Variants in NRG3 observed in about 807,000 individuals in gnomAD.
The protein encoded by NRG3 is neuregulin 3, also known as pro-neuregulin-3, membrane-bound isoform.
In NRG3, 31 loss-of-function variants were observed where a neutral mutation model predicts 66.9. That is an observed-to-expected ratio of 0.46 (90% CI 0.35 to 0.63). The LOEUF (loss-of-function observed/expected upper bound fraction) is 0.63, where lower values mean the gene tolerates loss of function less well. NRG3 is among the 20% of genes least tolerant of loss of function. The pLI, the probability that NRG3 is intolerant of heterozygous loss-of-function variation, is 0.00. For synonymous variants in NRG3, 393 were observed against 359.4 expected, an observed-to-expected ratio of 1.09 and a Z score of -1.06; for missense variants, 910 against 878.9, an observed-to-expected ratio of 1.04 and a Z score of -0.45.
chr10:82,777,785 G>A (rs2059962751), intron 3 of NRG3, among the ~76,000 whole-genome samples: 1 of 152,194 alleles, frequency 6.6e-6, no homozygotes, highest in Non-Finnish European at 1.5e-5. Flanking sequence ...TGGAGTGCTA[G>A]GACATAGCCG....
At chr10:82,698,998 A>G (rs376332092) in intron 2 of NRG3, among the ~76,000 whole-genome samples, 3 of 152,298 alleles carry the variant, frequency 2.0e-5, no homozygotes, top group Non-Finnish European at 1.5e-5. Context: ...GGAAATGTTG[A>G]CCATATAACC....
chr10:82,862,272 T>G (rs2064170246), intron 3 of NRG3, among the ~76,000 whole-genome samples: 1 of 152,138 alleles, frequency 6.6e-6, no homozygotes, highest in Admixed American at 6.5e-5. Flanking sequence ...TGATGTAACT[T>G]CCCCAGCACC....
chr10:82,489,146 A>G (rs1842906584), intron 2 of NRG3, among the ~76,000 whole-genome samples: 1 of 152,212 alleles, frequency 6.6e-6, no homozygotes, highest in Non-Finnish European at 1.5e-5. Flanking sequence ...TAGCTTGCCT[A>G]AATTCACCAA....
chr10:82,521,000 G>T (rs767755464), intron 2 of NRG3, among the ~76,000 whole-genome samples: 1 of 152,014 alleles, frequency 6.6e-6, no homozygotes, highest in Non-Finnish European at 1.5e-5. Context: ...TAAGCATAAG[G>T]CTGCAGCATG....
Position 82,335,081 on chromosome 10 carries a change from G to C in NRG3, c.824-23658G>C, listed in dbSNP as rs114898889. Among the ~76,000 whole-genome samples, 495 of 152,298 alleles carry C rather than the reference G, an allele frequency of 3.3e-3. 2 individuals are homozygous for C. The highest frequency in any genetic ancestry group is 0.011 in the African/African-American group (477 of 41,560). ...GTTTTATGCCAACAATCAGCCCACT[G>C]TCCTTCACATGGCCGTGCATTTGCT... On this transcript the variant is annotated intron_variant, in intron 1 of 8. Transcript: ENST00000372141.
At chr10:82,732,476 A>C (rs2057959408) in intron 2 of NRG3, among the ~76,000 whole-genome samples, 1 of 152,156 alleles carries the variant, frequency 6.6e-6, no homozygotes, top group South Asian at 2.1e-4. Context: ...ACCACAGATA[A>C]AGCAAGAGCT....
intron 2 of NRG3, among the ~76,000 whole-genome samples, chr10:82,458,908 A>T (rs17100097): frequency 1.3e-5 from 2 of 152,042 alleles, no homozygotes; most frequent in African/African-American, 4.8e-5. Flanking sequence ...ATTCATGCTC[A>T]GAATTTTCAG....
At chr10:82,652,429 A>G (rs1591030581) in intron 2 of NRG3, among the ~76,000 whole-genome samples, 1 of 152,298 alleles carries the variant, frequency 6.6e-6, no homozygotes, top group Middle Eastern at 3.4e-3. Flanking sequence ...AAGGGGACAG[A>G]CGAGATGGGA....
chr10:81,998,849 G>C (rs967756875), intron 1 of NRG3, among the ~76,000 whole-genome samples: 1 of 152,248 alleles, frequency 6.6e-6, no homozygotes, highest in African/African-American at 2.4e-5. Flanking sequence ...GTGTGTGTGT[G>C]TCTGTTGCCC....
At chr10:82,578,528 C>T (rs143210448) in intron 2 of NRG3, among the ~76,000 whole-genome samples, 11 of 151,432 alleles carry the variant, frequency 7.3e-5, no homozygotes, top group East Asian at 2.0e-4. Flanking sequence ...TTGCCAATCT[C>T]GTTTATTATA....
intron 1 of NRG3, among the ~76,000 whole-genome samples, chr10:82,189,084 A>G (rs2073982833): frequency 6.6e-6 from 1 of 152,170 alleles, no homozygotes; most frequent in Non-Finnish European, 1.5e-5. Flanking sequence ...AAAACGGTTT[A>G]ATTTTATATA....
At chr10:82,433,988 T>A (rs1197391127) in intron 2 of NRG3, among the ~76,000 whole-genome samples, 1 of 152,172 alleles carries the variant, frequency 6.6e-6, no homozygotes, top group Non-Finnish European at 1.5e-5. Flanking sequence ...CTGTGAAGAA[T>A]GTCAATGGTA....
At chr10:82,601,865 TATATATATATAACTATATATACAA>T in intron 2 of NRG3, among the ~76,000 whole-genome samples, 1 of 146,952 alleles carries the variant, frequency 6.8e-6, no homozygotes, top group Non-Finnish European at 1.5e-5. Flanking sequence ...AAAAATTATT[TATATATATATAACTATATATACAA>T]ATATATATAT....
rs144655352 is a variant in NRG3 at position 82,571,185 on chromosome 10, T to A, written c.954-167392T>A. ...ACTCCCTTATTTAATTGTTAAACAT[T>A]TGACATGAAAAAATCATCCCCTTAA... On this transcript the variant is annotated intron_variant, in intron 2 of 8. Coordinates refer to ENST00000372141, the MANE Select transcript of NRG3 (RefSeq NM_001010848.4). Among the ~76,000 whole-genome samples, 442 of 151,666 alleles carry A rather than the reference T, an allele frequency of 2.9e-3. 1 individual carries two copies. The highest frequency in any genetic ancestry group is 0.01 in the African/African-American group (429 of 41,482).
intron 2 of NRG3, among the ~76,000 whole-genome samples, chr10:82,554,878 T>C (rs117132945): frequency 0.011 from 1,680 of 152,288 alleles, 16 homozygotes; most frequent in Middle Eastern, 0.068. Context: ...AGAGCAGTTA[T>C]GAGGACGGTT....
chr10:82,282,091 A>G (rs1004477541), intron 1 of NRG3, among the ~76,000 whole-genome samples: 14 of 152,048 alleles, frequency 9.2e-5, no homozygotes, highest in African/African-American at 2.9e-4. Flanking sequence ...GTAAATCAGG[A>G]GCAGGATAGT....
chr10:82,307,021 T>G (rs1330822331), intron 1 of NRG3, among the ~76,000 whole-genome samples: 1 of 152,192 alleles, frequency 6.6e-6, no homozygotes, highest in Non-Finnish European at 1.5e-5. Flanking sequence ...AGTTGTCTTC[T>G]CGGTTAGTCA....
chr10:82,422,493 T>A (rs1485768525), intron 2 of NRG3, among the ~76,000 whole-genome samples: 1 of 151,968 alleles, frequency 6.6e-6, no homozygotes, highest in East Asian at 1.9e-4. Context: ...CTTTGCAAAA[T>A]GTATGGATGT....
At chr10:82,364,751 C>T (rs1379452311) in intron 2 of NRG3, among the ~76,000 whole-genome samples, 1 of 152,184 alleles carries the variant, frequency 6.6e-6, no homozygotes, top group East Asian at 1.9e-4. Context: ...CCTGTATTGA[C>T]CATTTTGGAA....
Sources: allele counts gnomAD v4.1 joint callset (sites outside exome capture counted in the v4.1 genomes callset), GRCh38; gene constraint gnomAD v4.1.1; transcripts MANE v1.5; gene names NCBI Gene and HGNC (gene_info 2026-07-23, HGNC 2026-07-21).